The following FAM120C variants were observed in gnomAD, a reference collection of about 807,000 sequenced individuals.
The protein encoded by FAM120C is constitutive coactivator of PPAR-gamma-like protein 2.
In FAM120C, 14 loss-of-function variants were observed where a neutral mutation model predicts 71.2. The ratio of observed to expected loss-of-function variants is 0.20; its 90% CI spans 0.13 to 0.31. FAM120C has a LOEUF of 0.31. FAM120C is among the 10% of genes least tolerant of loss of function. FAM120C has a pLI of 1.00. For synonymous variants in FAM120C, 354 were observed against 353.2 expected (o/e 1.00, Z -0.03); for missense variants, 500 against 879.0 (o/e 0.57, Z 5.45).
At chrX:54,142,639 C>A (rs957459066) in intron 4 of FAM120C, among the ~76,000 whole-genome samples, 1 of 112,145 alleles carries the variant, frequency 8.9e-6, no homozygotes, top group Non-Finnish European at 1.9e-5. Flanking sequence ...GACTGCCTGC[C>A]TCTGTAGACT....
chrX:54,163,870 C>A (rs1445878082), intron 1 of FAM120C, among the ~76,000 whole-genome samples: 1 of 106,993 alleles, frequency 9.3e-6, no homozygotes, highest in East Asian at 2.9e-4. Flanking sequence ...TACCTTGCCC[C>A]CCTCCTTTTT....
chrX:54,181,022 CT>C (rs373135679), intron 1 of FAM120C, among the ~76,000 whole-genome samples: 16,888 of 96,240 alleles, frequency 0.18, 2,127 homozygotes, highest in African/African-American at 0.42. Context: ...AAATGTGTGC[CT>C]TTTTTTTTTT....
intron 9 of FAM120C, among the ~76,000 whole-genome samples, chrX:54,126,304 C>T (rs1300489672): frequency 1.8e-5 from 2 of 112,347 alleles, no homozygotes; most frequent in Admixed American, 1.9e-4. Context: ...AGAAAAACAT[C>T]TTTCACCATT....
intron 10 of FAM120C, among the ~76,000 whole-genome samples, chrX:54,107,083 A>G (rs2066910591): frequency 9.1e-6 from 1 of 109,391 alleles, no homozygotes; most frequent in Admixed American, 9.9e-5. Flanking sequence ...GAGCTATTAT[A>G]TGTATTTTGT....
intron 9 of FAM120C, among the ~76,000 whole-genome samples, chrX:54,125,643 C>T (rs1205075964): frequency 8.9e-6 from 1 of 112,948 alleles, no homozygotes; most frequent in African/African-American, 3.2e-5. Flanking sequence ...GTAAGTCTTA[C>T]AATCAGGTTC....
chrX:54,124,947 T>TG (rs1305503699), intron 9 of FAM120C, among the ~76,000 whole-genome samples: 1 of 112,098 alleles, frequency 8.9e-6, no homozygotes, highest in Admixed American at 9.5e-5. Flanking sequence ...ATGTGGTACT[T>TG]GTTCAACTAT....
chrX:54,094,589 C>CA (rs781906964), intron 10 of FAM120C, among the ~76,000 whole-genome samples: 2 of 108,572 alleles, frequency 1.8e-5, no homozygotes, highest in East Asian at 3.0e-4. Flanking sequence ...CCCATCTCTA[C>CA]AAAAAATTAT....
intron 10 of FAM120C, among the ~76,000 whole-genome samples, chrX:54,114,521 T>G (rs1557126339): frequency 9.0e-6 from 1 of 111,143 alleles, no homozygotes; most frequent in Non-Finnish European, 1.9e-5. Context: ...CTCGACTTAC[T>G]GCAACCTCCA....
chrX:54,117,358 A>T (rs187662822), intron 9 of FAM120C, among the ~76,000 whole-genome samples: 2 of 10,656 alleles, frequency 1.9e-4, no homozygotes, highest in African/African-American at 2.8e-4. Context: ...GTCTCTAAAA[A>T]TAAAATAAAA....
At position 54,068,699 on chromosome X, in the gene FAM120C, A is replaced by G. The variant is rs973995788; in HGVS notation, c.*4334T>C. 4.5e-5 allele frequency: 5 copies of G among 111,853 alleles called. No individual in the cohort carries two copies. Among genetic ancestry groups the G allele is most frequent in the Non-Finnish European group, 7.5e-5 (4 of 53,282 alleles). The allele number at this position is 111,853 out of a possible 1,213,427, so 9.2% of individuals were successfully genotyped here. On this transcript the variant is annotated 3_prime_UTR_variant, in exon 16 of 16. Coordinates refer to ENST00000375180, the MANE Select transcript of FAM120C (RefSeq NM_017848.6). ...TTTACTTTTGTCAATAACATCATTT[A>G]TCAGGGAGCACTAAAAGTCACTGAC...
chrX:54,069,838 CTAAG>C lies in FAM120C; in HGVS notation c.*3191_*3194del, dbSNP rs1212643287. 1 of 111,650 alleles carries C rather than the reference CTAAG, an allele frequency of 9.0e-6. No individual in the cohort carries two copies. The highest frequency in any genetic ancestry group is 9.6e-5 in the Admixed American group (1 of 10,458). The allele number at this position is 111,650 out of a possible 1,213,427, so 9.2% of individuals were successfully genotyped here. A position where few individuals can be genotyped will look rare whatever the true frequency, so the allele number is the denominator to read the frequency against. ...CAGACCAGACTGGACTGGTCACTGA[CTAAG>C]TAAGAGTAGGAGTTATAAGCTGATC... On this transcript the variant is annotated 3_prime_UTR_variant, in exon 16 of 16. Transcript: ENST00000375180.
chrX:54,177,309 T>C (rs781792000), intron 1 of FAM120C, among the ~76,000 whole-genome samples: 5 of 111,371 alleles, frequency 4.5e-5, no homozygotes, highest in East Asian at 5.7e-4. Context: ...GAGAGTGTTA[T>C]GGTAAAGGAA....
chrX:54,072,711 T>C lies in FAM120C; in HGVS notation c.*322A>G, dbSNP rs782103911. 34 of 182,669 alleles carry C rather than the reference T, an allele frequency of 1.9e-4. 1 individual carries two copies. The East Asian group carries it at 3.5e-3, about 19-fold the overall frequency. The allele number at this position is 182,669 out of a possible 1,213,427, so 15.1% of individuals were successfully genotyped here. A position where few individuals can be genotyped will look rare whatever the true frequency, so the allele number is the denominator to read the frequency against. ...AGCTTTTCTATAGGACCTTATGTGATGATACCCAATTTCTGACAGCTACTG... is the reference window on the plus strand; with the variant it reads ...AGCTTTTCTATAGGACCTTATGTGACGATACCCAATTTCTGACAGCTACTG... On this transcript the variant is annotated 3_prime_UTR_variant, in exon 16 of 16. Transcript: ENST00000375180.
chrX:54,110,562 T>C (rs1402198615), intron 10 of FAM120C, among the ~76,000 whole-genome samples: 2 of 110,871 alleles, frequency 1.8e-5, no homozygotes, highest in Non-Finnish European at 3.8e-5. Context: ...GAGTGTTCAC[T>C]GTACTATTAT....
chrX:54,157,653 C>A, intron 3 of FAM120C, 36 bp downstream of exon 3: 1 of 988,029 alleles, frequency 1.0e-6, no homozygotes. Context: ...ACCTCATATC[C>A]CCTAATCTGT....
At chrX:54,085,605 A>G (rs1214246619) in intron 13 of FAM120C, 110 bp downstream of exon 13, 5 of 742,767 alleles carry the variant, frequency 6.7e-6, no homozygotes, top group African/African-American at 2.2e-5. Flanking sequence ...AAAAAAGTCA[A>G]TGAGATGAGA....
chrX:54,129,356 C>T (rs1169905528), intron 9 of FAM120C, among the ~76,000 whole-genome samples: 2 of 108,594 alleles, frequency 1.8e-5, no homozygotes, highest in Non-Finnish European at 1.9e-5. Flanking sequence ...CGCAGCCGGG[C>T]AGAGGCGCTC....
At chrX:54,100,873 C>T (rs1557124063) in intron 10 of FAM120C, among the ~76,000 whole-genome samples, 1 of 111,348 alleles carries the variant, frequency 9.0e-6, no homozygotes, top group African/African-American at 3.3e-5. Flanking sequence ...TGAAGGTTTC[C>T]CAGGTGGGCA....
intron 4 of FAM120C, among the ~76,000 whole-genome samples, chrX:54,138,305 G>A (rs2067104359): frequency 1.8e-5 from 2 of 108,160 alleles, no homozygotes; most frequent in Non-Finnish European, 3.8e-5. Flanking sequence ...ATTCAGACCA[G>A]CCTGAGTAAC....
Sources: gnomAD v4.1 joint callset for allele counts (sites outside exome capture counted in the v4.1 genomes callset) on GRCh38, gnomAD v4.1.1 for gene constraint, MANE v1.5 for transcripts, NCBI Gene and HGNC (gene_info 2026-07-23, HGNC 2026-07-21) for gene names.